Variants in ADGRL3 observed in about 807,000 individuals in gnomAD.
ADGRL3 encodes the protein adhesion G protein-coupled receptor L3.
In ADGRL3, 62 loss-of-function variants were observed where a neutral mutation model predicts 153.5. That is an observed-to-expected ratio of 0.40 (90% CI 0.33 to 0.50). The LOEUF (loss-of-function observed/expected upper bound fraction) is 0.50. Ranked by LOEUF, ADGRL3 falls within the 20% of genes least tolerant of loss-of-function variation. The pLI, the probability that ADGRL3 is intolerant of heterozygous loss-of-function variation, is 0.47. For missense variants in ADGRL3, 1,641 were observed against 1,859.4 expected, an observed-to-expected ratio of 0.88 and a Z score of 2.16; for synonymous variants, 710 against 672.5, an observed-to-expected ratio of 1.06 and a Z score of -0.86.
chr4:61,501,798 A>G (rs2098389862), intron 3 of ADGRL3, among the ~76,000 whole-genome samples: 1 of 152,230 alleles, frequency 6.6e-6, no homozygotes, highest in Non-Finnish European at 1.5e-5. Context: ...TGTTTTGTAT[A>G]GAAAAACAAA....
At position 61,541,905 on chromosome 4, in the gene ADGRL3, T is replaced by C. The variant is rs373167160; in HGVS notation, c.259+24387T>C. ...TATTTCAGTAGCTGAGCTCGTCAAG[T>C]TTTTGAAACCATTTTAAATCATTTT... On this transcript the variant is annotated intron_variant, in intron 4 of 26. Transcript: ENST00000683033. Among the ~76,000 whole-genome samples the C allele has an allele frequency of 3.6e-4, 54 of 151,914 alleles. No homozygotes were observed. In the South Asian group the frequency reaches 0.011, roughly 32 times the overall value.
chr4:61,400,617 G>A (rs1014353857), intron 2 of ADGRL3, among the ~76,000 whole-genome samples: 1 of 151,668 alleles, frequency 6.6e-6, no homozygotes, highest in African/African-American at 2.4e-5. Context: ...ATTGGATATT[G>A]GTGGTAGTGG....
chr4:61,964,727 G>A lies in ADGRL3; in HGVS notation c.2806-14836G>A, dbSNP rs114502133. 5.2e-3 allele frequency among the ~76,000 whole-genome samples: 783 copies of A among 151,936 alleles called. 8 individuals are homozygous for A. Among genetic ancestry groups the A allele is most frequent in the African/African-American group, 0.016 (665 of 41,454 alleles). Reference sequence around the variant, plus strand: ...CTTCTTCATTAGTGAAATGATTTTAGCATTGCTTAACTGAAGGAATTATTA... The same window carrying A: ...CTTCTTCATTAGTGAAATGATTTTAACATTGCTTAACTGAAGGAATTATTA... On this transcript the variant is annotated intron_variant, in intron 17 of 26. Transcript: ENST00000683033.
At chr4:61,226,768 A>G (rs1369267339) in intron 1 of ADGRL3, among the ~76,000 whole-genome samples, 3 of 151,610 alleles carry the variant, frequency 2.0e-5, no homozygotes, top group Admixed American at 2.0e-4. Context: ...ATTTCACTCT[A>G]TTCGGGATAG....
At chr4:61,547,250 T>A (rs963161241) in intron 4 of ADGRL3, among the ~76,000 whole-genome samples, 2 of 152,072 alleles carry the variant, frequency 1.3e-5, no homozygotes, top group Non-Finnish European at 1.5e-5. Flanking sequence ...CACAATAATT[T>A]TCTGGGTTTT....
intron 2 of ADGRL3, among the ~76,000 whole-genome samples, chr4:61,461,277 A>T (rs1467436043): frequency 6.6e-6 from 1 of 152,170 alleles, no homozygotes; most frequent in Non-Finnish European, 1.5e-5. Context: ...AAACAGTTAG[A>T]TAGAAGTAAT....
chr4:61,662,404 A>G (rs2094626772), intron 5 of ADGRL3, among the ~76,000 whole-genome samples: 1 of 152,248 alleles, frequency 6.6e-6, no homozygotes, highest in South Asian at 2.1e-4. Flanking sequence ...GTTTTGGAGC[A>G]AAGTTTAGGC....
chr4:61,892,181 C>T (rs1384817016), intron 9 of ADGRL3, among the ~76,000 whole-genome samples: 3 of 78,552 alleles, frequency 3.8e-5, no homozygotes, highest in Non-Finnish European at 8.1e-5. Context: ...ATTTCTGTTT[C>T]CTTTTTTTTT....
At chr4:62,037,962 T>C (rs746258431) in intron 24 of ADGRL3, 106 bp downstream of exon 24, 6 of 1,293,538 alleles carry the variant, frequency 4.6e-6, no homozygotes, top group Non-Finnish European at 6.6e-6. Context: ...ATCGTTTGTT[T>C]TTGTTGTTTC....
intron 4 of ADGRL3, among the ~76,000 whole-genome samples, chr4:61,522,012 A>G (rs1484773180): frequency 1.3e-5 from 2 of 152,136 alleles, no homozygotes; most frequent in Non-Finnish European, 2.9e-5. Context: ...CAGATGTGAT[A>G]AGATGTCCAG....
intron 1 of ADGRL3, among the ~76,000 whole-genome samples, chr4:61,217,045 A>G (rs1386392095): frequency 1.3e-5 from 2 of 152,210 alleles, no homozygotes; most frequent in African/African-American, 4.8e-5. Context: ...TTAAATCATT[A>G]ATTTTATAAT....
chr4:61,303,781 T>C (rs1367921328), intron 1 of ADGRL3, among the ~76,000 whole-genome samples: 1 of 152,198 alleles, frequency 6.6e-6, no homozygotes, highest in East Asian at 1.9e-4. Context: ...TTACAGACTC[T>C]CTAGTACAGT....
intron 14 of ADGRL3, 115 bp from the exon 15 acceptor site, chr4:61,935,808 C>A: frequency 1.1e-6 from 1 of 947,500 alleles, no homozygotes; most frequent in Non-Finnish European, 1.5e-6. Flanking sequence ...TAAAGCATGA[C>A]AAATAGAATA....
intron 17 of ADGRL3, among the ~76,000 whole-genome samples, chr4:61,957,850 CTTT>C (rs1321575575): frequency 6.6e-6 from 1 of 151,964 alleles, no homozygotes; most frequent in Non-Finnish European, 1.5e-5. Flanking sequence ...CCTGTAGCAT[CTTT>C]TTATTTCATT....
At chr4:61,390,373 C>CA (rs1341875129) in intron 2 of ADGRL3, among the ~76,000 whole-genome samples, 1 of 151,964 alleles carries the variant, frequency 6.6e-6, no homozygotes, top group Admixed American at 6.6e-5. Context: ...TATGATGGTC[C>CA]AAAAAAGGCT....
At chr4:61,403,057 T>A (rs62305277) in intron 2 of ADGRL3, among the ~76,000 whole-genome samples, 93,423 of 151,512 alleles carry the variant, frequency 0.62, 29,637 homozygotes, top group Admixed American at 0.75. Flanking sequence ...CTTTCCTCTT[T>A]GTGTGCACAC....
intron 2 of ADGRL3, among the ~76,000 whole-genome samples, chr4:61,415,881 G>A (rs2097139207): frequency 1.3e-5 from 2 of 151,888 alleles, no homozygotes; most frequent in South Asian, 2.1e-4. Flanking sequence ...CTAGATGATG[G>A]CATTTTTTCC....
At chr4:61,424,304 G>C (rs762824786) in intron 2 of ADGRL3, among the ~76,000 whole-genome samples, 2 of 152,062 alleles carry the variant, frequency 1.3e-5, no homozygotes, top group African/African-American at 4.8e-5. Context: ...TGTTTACCTT[G>C]GCCTACTCTT....
rs747543566 is a variant in ADGRL3, at chr4:61,824,535, G to A, written c.1480+10646G>A. On this transcript the variant is annotated intron_variant, in intron 9 of 26. Coordinates refer to ENST00000683033, the MANE Select transcript of ADGRL3 (RefSeq NM_001387552.1). The stretch of plus-strand genomic sequence containing the variant: ...ATCACCAGAAAATAGTTTTATACCC[G>A]TATAGTAAAAATTAATTGTCTTACT... Among the ~76,000 whole-genome samples, 16 of 151,994 alleles carry A rather than the reference G, an allele frequency of 1.1e-4. 1 individual carries two copies. Among genetic ancestry groups the A allele is most frequent in the African/African-American group, 3.1e-4 (13 of 41,364 alleles).
Sources: gnomAD v4.1 joint callset for allele counts (sites outside exome capture counted in the v4.1 genomes callset) on GRCh38, gnomAD v4.1.1 for gene constraint, MANE v1.5 for transcripts, NCBI Gene and HGNC (gene_info 2026-07-23, HGNC 2026-07-21) for gene names.